KLF12: variants seen among roughly 807,000 people sequenced by gnomAD.
The protein encoded by KLF12 is KLF transcription factor 12, also known as Krueppel-like factor 12.
Under a neutral mutation model 37.8 loss-of-function variants are expected in KLF12, and 9 were observed. The ratio of observed to expected loss-of-function variants is 0.24; its 90% confidence interval spans 0.14 to 0.42. KLF12 has a LOEUF of 0.42. Among genes scored for constraint, KLF12 ranks in the 10% least tolerant of loss-of-function variants. The probability of loss-of-function intolerance (pLI) is 1.00; values close to 1 mark genes in which losing one functional copy is unlikely to be tolerated. For missense variants in KLF12, 411 were observed against 516.0 expected, an observed-to-expected ratio of 0.80 and a Z score of 1.97; for synonymous variants, 208 against 202.1, an observed-to-expected ratio of 1.03 and a Z score of -0.25.
intron 4 of KLF12, among the ~76,000 whole-genome samples, chr13:73,825,180 G>A (rs1448981073): frequency 6.6e-6 from 1 of 152,110 alleles, no homozygotes; most frequent in Non-Finnish European, 1.5e-5. Context: ...TGATAAATTG[G>A]CTAGTCTCTG....
intron 5 of KLF12, among the ~76,000 whole-genome samples, chr13:73,797,913 CGACACATTCTTCTTCCTGATTGTTTTTT>C (rs1858069400): frequency 1.3e-5 from 2 of 152,194 alleles, no homozygotes; most frequent in Admixed American, 1.3e-4. Context: ...CAATAACTTC[CGACACATTCTTCTTCCTGATTGTTTTTT>C]GGCGTTTAAC....
intron 7 of KLF12, among the ~76,000 whole-genome samples, chr13:73,710,855 A>G (rs928702628): frequency 3.9e-5 from 6 of 152,236 alleles, no homozygotes; most frequent in Non-Finnish European, 8.8e-5. Flanking sequence ...TTAGCGAGTC[A>G]GGCACTTCGA....
intron 1 of KLF12, among the ~76,000 whole-genome samples, chr13:74,117,507 A>G (rs1877377266): frequency 6.6e-6 from 1 of 152,222 alleles, no homozygotes; most frequent in Non-Finnish European, 1.5e-5. Flanking sequence ...AATAATCTAT[A>G]GAATTCTAAA....
intron 5 of KLF12, among the ~76,000 whole-genome samples, chr13:73,789,842 T>A (rs1005087339): frequency 1.3e-5 from 2 of 151,860 alleles, no homozygotes; most frequent in Non-Finnish European, 1.5e-5. Context: ...ACGCCCGGTT[T>A]ATTTTTTGTA....
chr13:74,007,417 G>T (rs934690881), intron 1 of KLF12, among the ~76,000 whole-genome samples: 3 of 141,532 alleles, frequency 2.1e-5, no homozygotes, highest in Non-Finnish European at 4.6e-5. Context: ...GACCACAGGC[G>T]CCCGCCACCA....
At chr13:73,772,599 G>A (rs1880341716) in intron 5 of KLF12, among the ~76,000 whole-genome samples, 1 of 152,210 alleles carries the variant, frequency 6.6e-6, no homozygotes, top group Non-Finnish European at 1.5e-5. Flanking sequence ...ACAAATTGGT[G>A]TAGACAACCA....
At chr13:73,841,328 G>A (rs1204481959) in intron 4 of KLF12, among the ~76,000 whole-genome samples, 1 of 151,926 alleles carries the variant, frequency 6.6e-6, no homozygotes, top group Non-Finnish European at 1.5e-5. Context: ...GGCTTCCCTG[G>A]GCCACAACGG....
At chr13:74,253,074 C>T in the KLF12 span, among the ~76,000 whole-genome samples, 2 of 152,032 alleles carry the variant, frequency 1.3e-5, no homozygotes, top group Non-Finnish European at 2.9e-5. Flanking sequence ...TCTTTAAACC[C>T]TTGGAATCCA....
At chr13:74,276,995 C>T in the KLF12 span, among the ~76,000 whole-genome samples, 1 of 152,204 alleles carries the variant, frequency 6.6e-6, no homozygotes, top group Non-Finnish European at 1.5e-5. Flanking sequence ...CACGGCAGTG[C>T]CCTTGATGGG....
chr13:74,254,368 C>G, the KLF12 span, among the ~76,000 whole-genome samples: 2 of 152,148 alleles, frequency 1.3e-5, no homozygotes, highest in African/African-American at 4.8e-5. Context: ...TTTACATGAT[C>G]ATTGTTATAA....
At chr13:74,050,594 G>T (rs952286796) in intron 1 of KLF12, among the ~76,000 whole-genome samples, 1 of 152,116 alleles carries the variant, frequency 6.6e-6, no homozygotes, top group African/African-American at 2.4e-5. Flanking sequence ...AGACAATTCT[G>T]GGTTTGAAGC....
intron 3 of KLF12, among the ~76,000 whole-genome samples, chr13:73,849,375 TAAA>T (rs574332239): frequency 0.022 from 2,203 of 98,914 alleles, 72 homozygotes; most frequent in African/African-American, 0.073. Context: ...GGAGACTCCA[TAAA>T]AAAAAAAAAA....
At chr13:74,093,722 T>A (rs1415689278) in intron 1 of KLF12, among the ~76,000 whole-genome samples, 1 of 150,958 alleles carries the variant, frequency 6.6e-6, no homozygotes, top group African/African-American at 2.4e-5. Context: ...GAAAAAAATA[T>A]ATATATAAAT....
At chr13:74,289,348 G>A in the KLF12 span, 1 of 152,224 alleles carries the variant, frequency 6.6e-6, no homozygotes, top group Non-Finnish European at 1.5e-5. Flanking sequence ...AATACTCTCA[G>A]TGGAGTAGTA....
the KLF12 span, among the ~76,000 whole-genome samples, chr13:74,173,187 A>G: frequency 1.3e-5 from 2 of 152,248 alleles, no homozygotes; most frequent in East Asian, 1.9e-4. Context: ...ATTGACAATC[A>G]TCACTGGTCC....
chr13:73,915,814 G>A (rs1888801072), intron 3 of KLF12, among the ~76,000 whole-genome samples: 1 of 151,288 alleles, frequency 6.6e-6, no homozygotes, highest in Non-Finnish European at 1.5e-5. Flanking sequence ...TTACAGGCGT[G>A]AGCCACGGCG....
chr13:74,151,107 C>T, the KLF12 span, among the ~76,000 whole-genome samples: 2 of 152,090 alleles, frequency 1.3e-5, no homozygotes, highest in South Asian at 2.1e-4. Context: ...AGTTTTTTAG[C>T]GGTTGGTTGA....
At position 73,927,100 on chromosome 13, in the gene KLF12, A is replaced by G. The variant is rs564106498; in HGVS notation, c.123+16881T>C. Among the ~76,000 whole-genome samples, 185 of 152,348 alleles carry G rather than the reference A, an allele frequency of 1.2e-3. 2 individuals carry two copies. Among genetic ancestry groups the G allele is most frequent in the African/African-American group, 4.3e-3 (179 of 41,576 alleles). Reference sequence around the variant, plus strand: ...AATATAACACAGCTTTTATGTGAACAAATACAATAATTCCCATTTTATCTA... The same window carrying G: ...AATATAACACAGCTTTTATGTGAACGAATACAATAATTCCCATTTTATCTA... On this transcript the variant is annotated intron_variant, in intron 3 of 7. Coordinates refer to ENST00000377669, the MANE Select transcript of KLF12 (RefSeq NM_007249.5).
chr13:74,200,060 G>T, the KLF12 span, among the ~76,000 whole-genome samples: 29 of 152,228 alleles, frequency 1.9e-4, no homozygotes, highest in South Asian at 6.0e-3. Flanking sequence ...CACTCAAGGA[G>T]ATCACACGGC....
Sources: allele counts gnomAD v4.1 joint callset (sites outside exome capture counted in the v4.1 genomes callset), GRCh38; gene constraint gnomAD v4.1.1; transcripts MANE v1.5; gene names NCBI Gene and HGNC (gene_info 2026-07-23, HGNC 2026-07-21).